Variants in CCDC125 observed in about 807,000 individuals in gnomAD.
The protein encoded by CCDC125 is coiled-coil domain containing 125.
CCDC125 carries 43 observed loss-of-function variants against 57.4 expected under a neutral mutation model. The observed-to-expected ratio is 0.75, with a 90% CI of 0.59 to 0.97. The LOEUF (loss-of-function observed/expected upper bound fraction) is 0.97. Ranked by LOEUF, CCDC125 falls within the 50% of genes least tolerant of loss-of-function variation. The pLI is 0.00. For missense variants in CCDC125, 563 were observed against 595.7 expected, an observed-to-expected ratio of 0.95 and a Z score of 0.57; for synonymous variants, 187 against 195.2, an observed-to-expected ratio of 0.96 and a Z score of 0.35.
intron 1 of CCDC125, among the ~76,000 whole-genome samples, chr5:69,327,957 C>T (rs11744640): frequency 0.041 from 6,309 of 152,224 alleles, 159 homozygotes; most frequent in Non-Finnish European, 0.063. Context: ...AGTGCAATGG[C>T]GCAATCTCAG....
intron 1 of CCDC125, among the ~76,000 whole-genome samples, chr5:69,322,368 T>C (rs1760164910): frequency 6.6e-6 from 1 of 152,042 alleles, no homozygotes; most frequent in Non-Finnish European, 1.5e-5. Flanking sequence ...CAAACTGAAA[T>C]ACAATCATCC....
chr5:69,285,107 CAAAA>C (rs1204252697), intron 11 of CCDC125, among the ~76,000 whole-genome samples: 3 of 138,860 alleles, frequency 2.2e-5, no homozygotes, highest in Non-Finnish European at 4.9e-5. Context: ...ACCAAACAAA[CAAAA>C]AAACCAAAAA....
intron 8 of CCDC125, among the ~76,000 whole-genome samples, chr5:69,296,364 C>A (rs1018328609): frequency 6.6e-6 from 1 of 151,944 alleles, no homozygotes; most frequent in Admixed American, 6.6e-5. Flanking sequence ...CCAGCCGGAC[C>A]AACATGGTGA....
chr5:69,289,796 G>C (rs1038340492), intron 10 of CCDC125, among the ~76,000 whole-genome samples: 3 of 149,258 alleles, frequency 2.0e-5, no homozygotes, highest in African/African-American at 5.0e-5. Flanking sequence ...CCATGAGGTA[G>C]AGGCTGCAGT....
chr5:69,273,326 A>T, the CCDC125 span, among the ~76,000 whole-genome samples: 11 of 148,224 alleles, frequency 7.4e-5, no homozygotes, highest in Non-Finnish European at 1.3e-4. Flanking sequence ...TAAATACTTT[A>T]CTTAGAAAAA....
intron 1 of CCDC125, among the ~76,000 whole-genome samples, chr5:69,328,073 T>A (rs934983540): frequency 6.6e-5 from 10 of 152,186 alleles, no homozygotes; most frequent in Admixed American, 3.3e-4. Context: ...ATTTTTGTAT[T>A]TTAGTAGAGA....
At chr5:69,317,973 A>ATTTTTT (rs34680998) in intron 2 of CCDC125, among the ~76,000 whole-genome samples, 5 of 82,354 alleles carry the variant, frequency 6.1e-5, no homozygotes, top group Non-Finnish European at 9.1e-5. Flanking sequence ...TGTCTCTAGA[A>ATTTTTT]TTTTTTTTTT....
intron 10 of CCDC125, among the ~76,000 whole-genome samples, chr5:69,288,292 C>G (rs895942598): frequency 6.6e-6 from 1 of 152,086 alleles, no homozygotes; most frequent in Non-Finnish European, 1.5e-5. Context: ...GCCAGGGGAA[C>G]CAATCTTGTG....
chr5:69,303,140 C>A (rs542423385), intron 7 of CCDC125, among the ~76,000 whole-genome samples: 2 of 152,292 alleles, frequency 1.3e-5, no homozygotes, highest in African/African-American at 4.8e-5. Context: ...CCACTTCAAC[C>A]TCCCAAGTAG....
intron 9 of CCDC125, chr5:69,294,219 T>C (rs910331288): frequency 3.1e-5 from 21 of 688,262 alleles, no homozygotes; most frequent in South Asian, 6.5e-5. Context: ...TTTAGGGACA[T>C]GTATAGATGA....
chr5:69,279,203 T>G (rs1384414476), downstream of CCDC125, among the ~76,000 whole-genome samples: 6 of 150,548 alleles, frequency 4.0e-5, no homozygotes, highest in East Asian at 3.9e-4. Context: ...GGTTTGTTTT[T>G]TTTTTTTTTT....
intron 10 of CCDC125, among the ~76,000 whole-genome samples, chr5:69,290,128 C>CAAAGGGGG (rs1260983830): frequency 6.6e-6 from 1 of 151,964 alleles, no homozygotes; most frequent in African/African-American, 2.4e-5. Flanking sequence ...CATCCCTCTG[C>CAAAGGGGG]ATCACTTCTT....
intron 8 of CCDC125, among the ~76,000 whole-genome samples, chr5:69,297,558 G>A (rs528565376): frequency 9.3e-5 from 14 of 150,134 alleles, no homozygotes; most frequent in South Asian, 2.1e-4. Flanking sequence ...GGGTTTCTCC[G>A]TGTTGGTCAG....
chr5:69,287,302 C>T (rs539635412), intron 10 of CCDC125, among the ~76,000 whole-genome samples: 10 of 139,506 alleles, frequency 7.2e-5, no homozygotes, highest in Admixed American at 2.3e-4. Flanking sequence ...TCGCTTTTGT[C>T]GCCCAGGCTG....
chr5:69,308,056 T>A (rs745675155), intron 4 of CCDC125, 28 bp from the exon 5 acceptor site: 11 of 1,516,518 alleles, frequency 7.3e-6, no homozygotes, highest in East Asian at 2.3e-5. Context: ...AGCATCAGTA[T>A]AAATTAAATT....
In CCDC125 at chr5:69,286,188, C is replaced by A. The variant is rs1314795210; in HGVS notation, c.1100-721G>T. The stretch of plus-strand genomic sequence containing the variant: ...ACTTAAAAACAGTTCAAATGGTAAA[C>A]TATATATATATATATATATATATAT... On this transcript the variant is annotated intron_variant, in intron 10 of 11. Transcript: ENST00000396496. 5.9e-3 allele frequency among the ~76,000 whole-genome samples: 303 copies of A among 51,306 alleles called. 2 individuals carry two copies. Among genetic ancestry groups the A allele is most frequent in the South Asian group, 0.047 (69 of 1,478 alleles). The allele number at this position is 51,306 out of a possible 152,430, so 33.7% of individuals were successfully genotyped here.
Position 69,280,810 on chromosome 5 carries a change from T to G in CCDC125, c.*1919A>C, listed in dbSNP as rs933398167. The G allele has an allele frequency of 2.8e-4, 43 of 152,532 alleles. No individual in the cohort carries two copies. Among genetic ancestry groups the G allele is most frequent in the African/African-American group, 9.9e-4 (41 of 41,578 alleles). The allele number at this position is 152,532 out of a possible 1,614,324, so 9.4% of individuals were successfully genotyped here. ...AGATAAACTTTTGTATTGATAGCCT[T>G]TTCTTTTGGAGATGGGGGTCTCACT... On this transcript the variant is annotated 3_prime_UTR_variant, in exon 12 of 12. Coordinates refer to ENST00000396496, the MANE Select transcript of CCDC125 (RefSeq NM_176816.5).
At chr5:69,302,087 TAAATAAATAAATAAAC>T (rs1194940865) in intron 7 of CCDC125, among the ~76,000 whole-genome samples, 3 of 148,604 alleles carry the variant, frequency 2.0e-5, no homozygotes, top group Non-Finnish European at 3.0e-5. Flanking sequence ...TGTGTGAAAA[TAAATAAATAAATAAAC>T]AAATAAATAA....
At chr5:69,277,213 T>G, downstream of CCDC125, 1 of 1,033,488 alleles carries the variant, frequency 9.7e-7, no homozygotes, top group African/African-American at 1.6e-5. Context: ...AAACATTAAG[T>G]AAATGCTGTA....
Sources: allele counts gnomAD v4.1 joint callset (sites outside exome capture counted in the v4.1 genomes callset), GRCh38; gene constraint gnomAD v4.1.1; transcripts MANE v1.5; gene names NCBI Gene and HGNC (gene_info 2026-07-23, HGNC 2026-07-21).